The following DSCAM variants were observed in gnomAD, a reference collection of about 807,000 sequenced individuals.
DSCAM encodes cell adhesion molecule DSCAM.
In DSCAM, 47 loss-of-function variants were observed where a neutral mutation model predicts 217.7. The ratio of observed to expected loss-of-function variants is 0.22; its 90% CI spans 0.17 to 0.28. DSCAM has a LOEUF of 0.28. DSCAM is among the 10% of genes least tolerant of loss of function. DSCAM has a pLI of 1.00. For synonymous variants in DSCAM, 1,056 were observed against 1,015.3 expected, an observed-to-expected ratio of 1.04 and a Z score of -0.76; for missense variants, 2,080 against 2,618.3, an observed-to-expected ratio of 0.79 and a Z score of 4.49.
At position 40,205,418 on chromosome 21, in the gene DSCAM, C is replaced by T. The variant is rs61182399; in HGVS notation, c.2357-16180G>A. Among the ~76,000 whole-genome samples, 1,139 of 152,144 alleles carry T rather than the reference C, an allele frequency of 7.5e-3. 13 individuals are homozygous for T. Among genetic ancestry groups the T allele is most frequent in the African/African-American group, 0.027 (1,107 of 41,496 alleles). ...AGGAGTTCGAGACCAGACCGGCCAA[C>T]ATGGCAAAACCCCATCTCTACTAAA... On this transcript the variant is annotated intron_variant, in intron 11 of 32. Coordinates refer to ENST00000400454, the MANE Select transcript of DSCAM (RefSeq NM_001389.5).
At chr21:40,336,659 A>G (rs1478386387) in intron 8 of DSCAM, among the ~76,000 whole-genome samples, 3 of 152,236 alleles carry the variant, frequency 2.0e-5, no homozygotes, top group African/African-American at 7.2e-5. Context: ...GCATCTGACT[A>G]TTGCAATGAA....
chr21:40,777,548 G>A (rs940522636), intron 1 of DSCAM, among the ~76,000 whole-genome samples: 2 of 152,080 alleles, frequency 1.3e-5, no homozygotes, highest in African/African-American at 2.4e-5. Flanking sequence ...CAGAAAACGG[G>A]AGAAAACGAA....
chr21:40,690,761 G>C (rs985649602), intron 3 of DSCAM, among the ~76,000 whole-genome samples: 3 of 152,202 alleles, frequency 2.0e-5, no homozygotes, highest in Admixed American at 1.3e-4. Context: ...CAAGAACAAT[G>C]AGGATGCTGC....
chr21:40,585,538 CAG>C (rs2076940320), intron 3 of DSCAM, among the ~76,000 whole-genome samples: 1 of 151,954 alleles, frequency 6.6e-6, no homozygotes, highest in Non-Finnish European at 1.5e-5. Flanking sequence ...TGGGCAATTT[CAG>C]AGAGGATCTA....
At chr21:40,649,879 A>T (rs987897) in intron 3 of DSCAM, among the ~76,000 whole-genome samples, 61,959 of 151,990 alleles carry the variant, frequency 0.41, 13,032 homozygotes, top group East Asian at 0.61. Context: ...TTCTGCAAGG[A>T]AACTTGGAGA....
intron 11 of DSCAM, among the ~76,000 whole-genome samples, chr21:40,201,326 A>C (rs2146856655): frequency 6.6e-6 from 1 of 152,308 alleles, no homozygotes; most frequent in East Asian, 1.9e-4. Context: ...AAAAGATATC[A>C]AAAACAGTAT....
At chr21:40,765,858 C>G (rs2091383140) in intron 1 of DSCAM, among the ~76,000 whole-genome samples, 1 of 152,200 alleles carries the variant, frequency 6.6e-6, no homozygotes, top group South Asian at 2.1e-4. Flanking sequence ...GATGCCCGCT[C>G]CAGATCCCCT....
intron 5 of DSCAM, among the ~76,000 whole-genome samples, chr21:40,349,136 CAAAA>C (rs758386936): frequency 7.0e-4 from 27 of 38,722 alleles, no homozygotes; most frequent in Admixed American, 6.1e-3. Context: ...GACTCCATCT[CAAAA>C]AAAAAAAAAA....
chr21:40,244,723 G>C (rs1452163378), intron 11 of DSCAM, among the ~76,000 whole-genome samples: 1 of 152,124 alleles, frequency 6.6e-6, no homozygotes, highest in Non-Finnish European at 1.5e-5. Flanking sequence ...GGGGCGGCGA[G>C]GGTGGGAAAC....
At chr21:40,055,600 G>T (rs1387990955) in intron 29 of DSCAM, 125 bp downstream of exon 29, 2 of 684,042 alleles carry the variant, frequency 2.9e-6, no homozygotes, top group African/African-American at 1.8e-5. Flanking sequence ...CTACCTTCTA[G>T]CTTTGGTACT....
intron 1 of DSCAM, among the ~76,000 whole-genome samples, chr21:40,749,549 C>T (rs2091207031): frequency 6.6e-6 from 1 of 152,060 alleles, no homozygotes; most frequent in Non-Finnish European, 1.5e-5. Context: ...GAATGGTTAT[C>T]ATCAAAAACA....
intron 3 of DSCAM, among the ~76,000 whole-genome samples, chr21:40,454,061 T>TAG (rs2075743860): frequency 6.6e-6 from 1 of 152,164 alleles, no homozygotes; most frequent in Non-Finnish European, 1.5e-5. Flanking sequence ...TGAGCAAACT[T>TAG]ACGGACTGAA....
chr21:40,640,903 T>C lies in DSCAM; in HGVS notation c.508+51907A>G, dbSNP rs75210583. Among the ~76,000 whole-genome samples, 1,378 of 152,224 alleles carry C rather than the reference T, an allele frequency of 9.1e-3. 17 individuals are homozygous for C. The highest frequency in any genetic ancestry group is 0.032 in the African/African-American group (1,310 of 41,526). ...TGAGATGTCAGATAAGCCTCAGAAC[T>C]TCTACGGTGTTTTACACAGTACGTG... On this transcript the variant is annotated intron_variant, in intron 3 of 32. Transcript: ENST00000400454.
In DSCAM at chr21:40,080,287, T is replaced by C. The variant is rs555123775; in HGVS notation, c.4285A>G (p.Ile1429Val). ...DNSEQWGSFP[I>V]SPSERSYRLE... ...CGATAGGAACGTTCGCTGGGGCTGATTGGAAAACTCCCCCACTGCTCACTA... is the reference window on the plus strand; with the variant it reads ...CGATAGGAACGTTCGCTGGGGCTGACTGGAAAACTCCCCCACTGCTCACTA... The change falls in exon 25 of 33, where the codon ATC (isoleucine) becomes GTC (valine). Residue 1429 changes from isoleucine (I) to valine (V), a missense_variant. Around this residue, in one of 5 missense-constraint regions of DSCAM, gnomAD observed 1,144 missense variants for 1,421.1 expected, o/e 0.81. Transcript: ENST00000400454. 8.1e-6 allele frequency: 13 copies of C among 1,613,478 alleles called. No homozygotes were observed. Among genetic ancestry groups the C allele is most frequent in the South Asian group, 4.4e-5 (4 of 91,070 alleles).
At position 40,692,791 on chromosome 21, in the gene DSCAM, C is replaced by A. The variant is rs763650012; in HGVS notation, c.508+19G>T. On this transcript the variant is annotated intron_variant, in intron 3 of 32. Coordinates refer to ENST00000400454, the MANE Select transcript of DSCAM (RefSeq NM_001389.5). Reference sequence around the variant, plus strand: ...GAAGGTGAGCGTGGTGTCCTGCACCCTGGAGACGCAAAGCCTACCTGAGAC... The same window carrying A: ...GAAGGTGAGCGTGGTGTCCTGCACCATGGAGACGCAAAGCCTACCTGAGAC... 7 of 1,606,290 alleles carry A rather than the reference C, an allele frequency of 4.4e-6. No homozygotes were observed. Among genetic ancestry groups the A allele is most frequent in the Non-Finnish European group, 4.3e-6 (5 of 1,173,612 alleles).
intron 16 of DSCAM, among the ~76,000 whole-genome samples, chr21:40,165,434 A>C (rs1291327283): frequency 6.6e-6 from 1 of 152,222 alleles, no homozygotes; most frequent in Non-Finnish European, 1.5e-5. Context: ...CATGCCACAA[A>C]GGCCCACTAC....
At chr21:40,440,269 G>C (rs867111115) in intron 3 of DSCAM, among the ~76,000 whole-genome samples, 6 of 151,722 alleles carry the variant, frequency 4.0e-5, no homozygotes, top group African/African-American at 1.2e-4. Flanking sequence ...AATGTTAAAG[G>C]CTCCAAAGTC....
chr21:40,286,930 G>A (rs984421127), intron 10 of DSCAM, among the ~76,000 whole-genome samples: 2 of 151,170 alleles, frequency 1.3e-5, no homozygotes, highest in African/African-American at 2.4e-5. Context: ...TATGATCCAC[G>A]TTGTGATCTG....
intron 3 of DSCAM, among the ~76,000 whole-genome samples, chr21:40,502,468 C>T (rs974424639): frequency 1.3e-5 from 2 of 152,138 alleles, no homozygotes; most frequent in Non-Finnish European, 2.9e-5. Flanking sequence ...ATGGGTCAAG[C>T]TGGGCTAAAA....
Sources: gnomAD v4.1 joint callset for allele counts (sites outside exome capture counted in the v4.1 genomes callset) on GRCh38, gnomAD v4.1.1 for gene constraint, gnomAD v4.1.1 regional missense constraint, MANE v1.5 for transcripts, NCBI Gene and HGNC (gene_info 2026-07-23, HGNC 2026-07-21) for gene names.